The following PCDH11X variants were observed in gnomAD, a reference collection of about 807,000 sequenced individuals.
PCDH11X encodes the protein protocadherin-11 X-linked.
PCDH11X carries 18 observed loss-of-function variants against 53.3 expected under a neutral mutation model. The observed-to-expected ratio is 0.34, with a 90% confidence interval of 0.23 to 0.50. The LOEUF (loss-of-function observed/expected upper bound fraction) is 0.50. PCDH11X is among the 20% of genes least tolerant of loss of function. The probability of loss-of-function intolerance (pLI) is 0.98; values close to 1 mark genes in which losing one functional copy is unlikely to be tolerated. For missense variants in PCDH11X, 570 were observed against 1,032.4 expected, an observed-to-expected ratio of 0.55 and a Z score of 6.14; for synonymous variants, 279 against 393.3, an observed-to-expected ratio of 0.71 and a Z score of 3.44.
chrX:92,323,763 A>G (rs2574046), intron 8 of PCDH11X, among the ~76,000 whole-genome samples: 2 of 110,239 alleles, frequency 1.8e-5, no homozygotes, highest in Non-Finnish European at 3.8e-5. Flanking sequence ...CCTCTGATAC[A>G]TTTGCAATCA....
chrX:92,191,650 G>A (rs2066195356), intron 6 of PCDH11X, among the ~76,000 whole-genome samples: 1 of 112,130 alleles, frequency 8.9e-6, no homozygotes, highest in African/African-American at 3.2e-5. Context: ...ATTTAGGTTT[G>A]GCAGGCAATG....
chrX:92,134,213 G>T (rs952979672), intron 6 of PCDH11X, among the ~76,000 whole-genome samples: 5 of 111,443 alleles, frequency 4.5e-5, no homozygotes, highest in African/African-American at 1.6e-4. Flanking sequence ...TTTGAGTTCT[G>T]CCTGTCCTTT....
At chrX:92,059,988 G>T (rs1243889788) in intron 6 of PCDH11X, among the ~76,000 whole-genome samples, 1 of 110,716 alleles carries the variant, frequency 9.0e-6, no homozygotes, top group Non-Finnish European at 1.9e-5. Context: ...ATATGTAGGT[G>T]CTTTCCTTGA....
At chrX:92,286,181 C>T (rs2068367262) in intron 8 of PCDH11X, among the ~76,000 whole-genome samples, 1 of 107,032 alleles carries the variant, frequency 9.3e-6, no homozygotes, top group Non-Finnish European at 1.9e-5. Flanking sequence ...GATTTGGGGG[C>T]TTGTTCCTAA....
chrX:92,449,900 T>G, intron 9 of PCDH11X, among the ~76,000 whole-genome samples: 1 of 111,435 alleles, frequency 9.0e-6, no homozygotes, highest in East Asian at 2.8e-4. Context: ...AGAGACCCCC[T>G]GGCACATGGT....
intron 5 of PCDH11X, among the ~76,000 whole-genome samples, chrX:91,857,727 A>G (rs1938430396): frequency 8.9e-6 from 1 of 112,154 alleles, no homozygotes; most frequent in Admixed American, 9.4e-5. Context: ...TATCCAGGTC[A>G]TGCTGATGCA....
At chrX:91,841,116 T>C (rs1417291915) in intron 5 of PCDH11X, among the ~76,000 whole-genome samples, 1 of 110,599 alleles carries the variant, frequency 9.0e-6, no homozygotes, top group African/African-American at 3.3e-5. Flanking sequence ...AAAGTACACT[T>C]CCACTGGGGA....
In PCDH11X at chrX:92,106,675, T is replaced by A. The variant is rs1210485269; in HGVS notation, c.3034-94700T>A. Among the ~76,000 whole-genome samples the A allele has an allele frequency of 2.7e-5, 3 of 112,328 alleles. No homozygotes were observed. The East Asian group carries it at 8.4e-4, about 32-fold the overall frequency. Reference sequence around the variant, plus strand: ...ATATTATCATTTATTGGGTTATCTTTTTTAAATAATTCAAATACTGAATTA... The same window carrying A: ...ATATTATCATTTATTGGGTTATCTTATTTAAATAATTCAAATACTGAATTA... On this transcript the variant is annotated intron_variant, in intron 6 of 10. Transcript: ENST00000682573.
At chrX:92,580,900 C>G (rs1387984697) in intron 10 of PCDH11X, among the ~76,000 whole-genome samples, 1 of 110,702 alleles carries the variant, frequency 9.0e-6, no homozygotes, top group Non-Finnish European at 1.9e-5. Context: ...CTGGGTGGGC[C>G]ATTGCTCAAC....
intron 6 of PCDH11X, among the ~76,000 whole-genome samples, chrX:92,072,845 C>T (rs1191161686): frequency 6.3e-5 from 7 of 110,840 alleles, no homozygotes; most frequent in African/African-American, 1.3e-4. Context: ...GGCTCTAAGT[C>T]GAGCCTAGCA....
intron 6 of PCDH11X, among the ~76,000 whole-genome samples, chrX:92,183,203 A>C (rs187436764): frequency 7.2e-4 from 73 of 101,531 alleles, no homozygotes; most frequent in African/African-American, 2.4e-3. Context: ...GCATTCCTAC[A>C]TTTGCCATTG....
intron 8 of PCDH11X, among the ~76,000 whole-genome samples, chrX:92,280,521 C>CAAATAAATAAAT (rs200000470): frequency 3.8e-5 from 4 of 104,307 alleles, no homozygotes; most frequent in Non-Finnish European, 5.8e-5. Flanking sequence ...GGCTCCATCT[C>CAAATAAATAAAT]AAATAAATAA....
chrX:91,784,190 G>C (rs1474688017), intron 1 of PCDH11X, among the ~76,000 whole-genome samples: 2 of 109,411 alleles, frequency 1.8e-5, no homozygotes, highest in Non-Finnish European at 3.8e-5. Context: ...AGAAAATTGG[G>C]CAATAGATAG....
chrX:91,822,271 C>A (rs1936719123), intron 4 of PCDH11X, among the ~76,000 whole-genome samples: 1 of 107,294 alleles, frequency 9.3e-6, no homozygotes. Flanking sequence ...CCTTGTACCT[C>A]TGGTAGAATT....
At chrX:92,274,404 T>TCAGA (rs2068032504) in intron 8 of PCDH11X, among the ~76,000 whole-genome samples, 1 of 110,960 alleles carries the variant, frequency 9.0e-6, no homozygotes, top group Admixed American at 9.6e-5. Flanking sequence ...TGGTCTGTTA[T>TCAGA]CAGACTGTAT....
chrX:92,395,374 G>A (rs5984179), intron 9 of PCDH11X, among the ~76,000 whole-genome samples: 44,088 of 109,754 alleles, frequency 0.4, 6,905 homozygotes, highest in Non-Finnish European at 0.49. Flanking sequence ...AATTCTTTGT[G>A]TAATCACTAT....
chrX:92,273,169 G>C (rs1423738753), intron 8 of PCDH11X, among the ~76,000 whole-genome samples: 3 of 111,306 alleles, frequency 2.7e-5, no homozygotes, highest in Admixed American at 1.9e-4. Context: ...CAGGCGGGCT[G>C]AGTCCGAAAA....
chrX:92,022,339 A>G (rs2062898787), intron 6 of PCDH11X, among the ~76,000 whole-genome samples: 1 of 108,761 alleles, frequency 9.2e-6, no homozygotes, highest in African/African-American at 3.4e-5. Flanking sequence ...TACCAAGCAA[A>G]TGGAAAGCAA....
At chrX:92,234,015 C>T (rs983115507) in intron 7 of PCDH11X, among the ~76,000 whole-genome samples, 2 of 111,739 alleles carry the variant, frequency 1.8e-5, no homozygotes, top group Non-Finnish European at 1.9e-5. Flanking sequence ...TGCTTCTAAA[C>T]CTTGATGTTG....
Sources: allele counts gnomAD v4.1 joint callset (sites outside exome capture counted in the v4.1 genomes callset), GRCh38; gene constraint gnomAD v4.1.1; transcripts MANE v1.5; gene names NCBI Gene and HGNC (gene_info 2026-07-23, HGNC 2026-07-21).